The following ATL2 variants were observed in gnomAD, a reference collection of about 807,000 sequenced individuals.
The protein encoded by ATL2 is atlastin-2.
A neutral mutation model predicts 73.9 loss-of-function variants in ATL2; 31 were observed. That is an observed-to-expected ratio of 0.42 (90% CI 0.32 to 0.57). ATL2 has a LOEUF of 0.57. Ranked by LOEUF, ATL2 falls within the 20% of genes least tolerant of loss-of-function variation. ATL2 has a pLI of 0.14. For synonymous variants in ATL2, 291 were observed against 237.5 expected (o/e 1.23, Z -2.07); for missense variants, 738 against 702.6 (o/e 1.05, Z -0.57).
At chr2:38,376,765 G>A (rs1329475207) in intron 1 of ATL2, among the ~76,000 whole-genome samples, 1 of 151,914 alleles carries the variant, frequency 6.6e-6, no homozygotes, top group Non-Finnish European at 1.5e-5. Context: ...TCGCCGGACG[G>A]AGCGGAGCCG....
chr2:38,333,143 G>A (rs1669100032), intron 2 of ATL2, among the ~76,000 whole-genome samples: 1 of 152,190 alleles, frequency 6.6e-6, no homozygotes, highest in Non-Finnish European at 1.5e-5. Flanking sequence ...CAGGAGGACT[G>A]CTTGAGCCCA....
At position 38,343,493 on chromosome 2, in the gene ATL2, A is replaced by T. The variant is rs1451886947; in HGVS notation, c.138T>A (p.Asp46Glu). 11 of 1,605,314 alleles carry T rather than the reference A, an allele frequency of 6.9e-6. No individual in the cohort carries two copies. The East Asian group carries it at 2.5e-4, about 36-fold the overall frequency. The change falls in exon 2 of 13, where the codon GAT becomes GAA. Residue 46 changes from aspartate to glutamate, a missense_variant. Coordinates refer to ENST00000378954, the MANE Select transcript of ATL2 (RefSeq NM_001135673.4). ...TAACCTCATCAGAATTTACTAGGTC[A>T]TCATCTTCATAATTCTCACCTAGAA... ...TTSLGENYED[D>E]DLVNSDEVMK...
chr2:38,346,207 T>C (rs1361070780), intron 1 of ATL2, among the ~76,000 whole-genome samples: 1 of 152,226 alleles, frequency 6.6e-6, no homozygotes, highest in Non-Finnish European at 1.5e-5. Flanking sequence ...TTTCTGAATC[T>C]CTATTGATAA....
chr2:38,334,857 TTATATATTATATAA>T (rs1333604048), intron 2 of ATL2, among the ~76,000 whole-genome samples: 3 of 134,286 alleles, frequency 2.2e-5, no homozygotes, highest in Admixed American at 7.9e-5. Context: ...TATTCAATAT[TTATATATTATATAA>T]TATATATTAT....
chr2:38,310,228 T>G, intron 8 of ATL2, 81 bp downstream of exon 8: 1 of 1,477,458 alleles, frequency 6.8e-7, no homozygotes, highest in Non-Finnish European at 9.3e-7. Flanking sequence ...GACAGGACAT[T>G]TAAGGCGTCA....
At chr2:38,354,795 C>T (rs1573559781) in intron 1 of ATL2, among the ~76,000 whole-genome samples, 1 of 152,082 alleles carries the variant, frequency 6.6e-6, no homozygotes, top group African/African-American at 2.4e-5. Context: ...GAAGCTGAGG[C>T]AGGAGAATCC....
chr2:38,325,623 TACATACACACACACACAC>T (rs1668556853), intron 2 of ATL2, among the ~76,000 whole-genome samples: 1 of 93,442 alleles, frequency 1.1e-5, no homozygotes, highest in Non-Finnish European at 2.1e-5. Flanking sequence ...CACACACCAG[TACATACACACACACACAC>T]ACACACACAC....
chr2:38,347,189 G>A (rs1451722618), intron 1 of ATL2, among the ~76,000 whole-genome samples: 1 of 152,170 alleles, frequency 6.6e-6, no homozygotes, highest in Non-Finnish European at 1.5e-5. Context: ...ACCTTACCAT[G>A]GCTTCTATAG....
At chr2:38,340,783 C>A (rs1371125687) in intron 2 of ATL2, among the ~76,000 whole-genome samples, 2 of 152,284 alleles carry the variant, frequency 1.3e-5, no homozygotes, top group East Asian at 3.9e-4. Context: ...AAATCAGATA[C>A]CATTTAAATG....
intron 7 of ATL2, among the ~76,000 whole-genome samples, chr2:38,312,933 G>A (rs1037998993): frequency 1.3e-5 from 2 of 152,110 alleles, no homozygotes; most frequent in African/African-American, 4.8e-5. Context: ...AGGAATAAAG[G>A]ATCATGATCC....
intron 1 of ATL2, among the ~76,000 whole-genome samples, chr2:38,363,123 G>T (rs1430146647): frequency 6.6e-6 from 1 of 152,098 alleles, no homozygotes; most frequent in Non-Finnish European, 1.5e-5. Flanking sequence ...TTCCATAAAG[G>T]AGTACACTGA....
intron 9 of ATL2, among the ~76,000 whole-genome samples, chr2:38,309,066 A>C (rs1164979972): frequency 6.6e-6 from 1 of 152,154 alleles, no homozygotes; most frequent in Non-Finnish European, 1.5e-5. Flanking sequence ...TATGCTTTCC[A>C]TTCCTATTAT....
chr2:38,328,008 C>G (rs1410713570), intron 2 of ATL2, among the ~76,000 whole-genome samples: 1 of 152,106 alleles, frequency 6.6e-6, no homozygotes, highest in East Asian at 1.9e-4. Flanking sequence ...AAAAACTCCA[C>G]TTTACAAAGA....
Position 38,294,651 on chromosome 2 carries a change from AAAG to A in ATL2, c.*1340_*1342del, listed in dbSNP as rs1558375576. Among the ~76,000 whole-genome samples, 5 of 151,682 alleles carry A rather than the reference AAAG, an allele frequency of 3.3e-5. No homozygotes were observed. Among genetic ancestry groups the A allele is most frequent in the Admixed American group, 1.3e-4 (2 of 15,254 alleles). Reference sequence around the variant, plus strand: ...CTTACATATACCACCAAAAAAAAAAAAAGAGAGAGAAAGAAATTAACAATCCCC... The same window carrying A: ...CTTACATATACCACCAAAAAAAAAAAAGAGAGAAAGAAATTAACAATCCCC... On this transcript the variant is annotated 3_prime_UTR_variant, in exon 13 of 13. Coordinates refer to ENST00000378954, the MANE Select transcript of ATL2 (RefSeq NM_001135673.4).
chr2:38,328,653 TTAA>T lies in ATL2; in HGVS notation c.364-9637_364-9635del, dbSNP rs529530457. ...TAAAGGAAAATGAAAATACTACCTA[TTAA>T]AATATATGAAATGCAGCAAAAACCA... On this transcript the variant is annotated intron_variant, in intron 2 of 12. Coordinates refer to ENST00000378954, the MANE Select transcript of ATL2 (RefSeq NM_001135673.4). Among the ~76,000 whole-genome samples the T allele has an allele frequency of 6.8e-3, 1,038 of 152,176 alleles. 4 individuals carry two copies. The highest frequency in any genetic ancestry group is 0.01 in the Middle Eastern group (3 of 294).
At chr2:38,344,509 C>T (rs58614100) in intron 1 of ATL2, among the ~76,000 whole-genome samples, 16,321 of 152,002 alleles carry the variant, frequency 0.11, 2,880 homozygotes, top group African/African-American at 0.37. Flanking sequence ...ACTTGGGAGG[C>T]TGAGACAGGA....
chr2:38,359,342 C>T (rs758448407), intron 1 of ATL2, among the ~76,000 whole-genome samples: 3 of 151,988 alleles, frequency 2.0e-5, no homozygotes, highest in Non-Finnish European at 2.9e-5. Flanking sequence ...TGGTGCCACA[C>T]GCCTGTAATC....
chr2:38,330,678 T>C (rs1446120719), intron 2 of ATL2, among the ~76,000 whole-genome samples: 12 of 152,128 alleles, frequency 7.9e-5, no homozygotes, highest in African/African-American at 2.9e-4. Flanking sequence ...AAGGAATAAA[T>C]TGAAGAAAAG....
intron 9 of ATL2, among the ~76,000 whole-genome samples, chr2:38,301,205 G>C (rs1163852956): frequency 6.6e-6 from 1 of 152,062 alleles, no homozygotes; most frequent in Non-Finnish European, 1.5e-5. Context: ...CCCGACCTCA[G>C]GTGATTCGCC....
Sources: gnomAD v4.1 joint callset for allele counts (sites outside exome capture counted in the v4.1 genomes callset) on GRCh38, gnomAD v4.1.1 for gene constraint, MANE v1.5 for transcripts, NCBI Gene and HGNC (gene_info 2026-07-23, HGNC 2026-07-21) for gene names.